PTN: variants seen among roughly 807,000 people sequenced by gnomAD.
The protein encoded by PTN is pleiotrophin.
PTN carries 18 observed loss-of-function variants against 24.1 expected under a neutral mutation model. The observed-to-expected ratio is 0.75, with a 90% CI of 0.52 to 1.11. The LOEUF (loss-of-function observed/expected upper bound fraction) is 1.11, where lower values mean the gene tolerates loss of function less well. PTN is among the 50% of genes least tolerant of loss of function. The pLI is 0.00. For synonymous variants in PTN, 78 were observed against 68.6 expected (o/e 1.14, Z -0.67); for missense variants, 163 against 198.8 (o/e 0.82, Z 1.08).
At chr7:137,235,402 T>C (rs1262321949) in intron 4 of PTN, among the ~76,000 whole-genome samples, 1 of 152,166 alleles carries the variant, frequency 6.6e-6, no homozygotes, top group Non-Finnish European at 1.5e-5. Context: ...TTGGCTAGGC[T>C]GCCTAACGTG....
intron 1 of PTN, among the ~76,000 whole-genome samples, chr7:137,315,123 C>T (rs548497825): frequency 3.9e-5 from 6 of 152,240 alleles, no homozygotes; most frequent in South Asian, 2.1e-4. Context: ...TCGGGCTTGA[C>T]GGTGATGGGC....
At chr7:137,318,713 A>T (rs1366221557) in intron 1 of PTN, 1 of 151,936 alleles carries the variant, frequency 6.6e-6, no homozygotes, top group Non-Finnish European at 1.5e-5. Flanking sequence ...TGTAAACACA[A>T]CATTGATTTT....
chr7:137,292,573 A>T (rs1353247269), intron 1 of PTN, among the ~76,000 whole-genome samples: 1 of 152,186 alleles, frequency 6.6e-6, no homozygotes, highest in African/African-American at 2.4e-5. Context: ...CTGTGAGTCC[A>T]TTAAACCTCT....
chr7:137,242,156 T>C (rs1314057495), intron 4 of PTN, among the ~76,000 whole-genome samples: 1 of 152,162 alleles, frequency 6.6e-6, no homozygotes, highest in Non-Finnish European at 1.5e-5. Flanking sequence ...ACCCCTTTTT[T>C]CCCATTTAAT....
intron 1 of PTN, among the ~76,000 whole-genome samples, chr7:137,294,566 A>G (rs1809689616): frequency 6.6e-6 from 1 of 152,026 alleles, no homozygotes; most frequent in Non-Finnish European, 1.5e-5. Flanking sequence ...AGGCCATCCC[A>G]TGCCCCACCA....
At chr7:137,331,548 A>C (rs1187183102) in intron 1 of PTN, among the ~76,000 whole-genome samples, 1 of 152,130 alleles carries the variant, frequency 6.6e-6, no homozygotes, top group Non-Finnish European at 1.5e-5. Context: ...CCAGTTGTTC[A>C]CTCGTCATTC....
chr7:137,280,591 T>C (rs539448026), intron 1 of PTN, among the ~76,000 whole-genome samples: 13 of 150,326 alleles, frequency 8.6e-5, no homozygotes, highest in Admixed American at 6.7e-5. Context: ...TGGTGGCTCA[T>C]GCCTGTAATC....
In PTN at chr7:137,248,028, G is replaced by A. The variant is rs534008400; in HGVS notation, c.451+3202C>T. On this transcript the variant is annotated intron_variant, in intron 4 of 4. Coordinates refer to ENST00000348225, the MANE Select transcript of PTN (RefSeq NM_002825.7). ...GTTTCCTTTATAATAATACCCACCC[G>A]CAAGGATATATGGGACTTTATAAGT... Among the ~76,000 whole-genome samples the A allele has an allele frequency of 9.4e-4, 143 of 152,102 alleles. 1 individual carries two copies. The highest frequency in any genetic ancestry group is 3.2e-3 in the African/African-American group (132 of 41,468).
chr7:137,253,606 T>C lies in PTN; in HGVS notation c.147A>G (p.Glu49=). ...EKKVKKSDCG[E]WQWSVCVPTS... ...TGGGCACACACACACTCCACTGCCA[T>C]TCTCCACAGTCAGACTTCTTCACTT... The change falls in exon 3 of 5, where the codon GAA becomes GAG. Residue 49 remains glutamate, a synonymous_variant. Coordinates refer to ENST00000348225, the MANE Select transcript of PTN (RefSeq NM_002825.7). 1 of 1,567,068 alleles carries C rather than the reference T, an allele frequency of 6.4e-7. No individual in the cohort carries two copies. The highest frequency in any genetic ancestry group is 2.3e-5 in the East Asian group (1 of 43,342).
intron 1 of PTN, among the ~76,000 whole-genome samples, chr7:137,286,182 A>G (rs1401486852): frequency 6.6e-6 from 1 of 152,212 alleles, no homozygotes; most frequent in Admixed American, 6.5e-5. Flanking sequence ...CACAATACTG[A>G]TATTAATTAA....
chr7:137,276,735 A>T (rs1455837646), intron 1 of PTN, among the ~76,000 whole-genome samples: 1 of 152,190 alleles, frequency 6.6e-6, no homozygotes, highest in African/African-American at 2.4e-5. Context: ...AAGTCTTTAG[A>T]GTCCTCTCCT....
At chr7:137,264,834 T>C (rs1219620817) in intron 1 of PTN, among the ~76,000 whole-genome samples, 1 of 152,226 alleles carries the variant, frequency 6.6e-6, no homozygotes, top group African/African-American at 2.4e-5. Flanking sequence ...GCTTATCTGC[T>C]TCTTGTGCTA....
At chr7:137,300,193 A>G (rs1336264223) in intron 1 of PTN, among the ~76,000 whole-genome samples, 1 of 151,618 alleles carries the variant, frequency 6.6e-6, no homozygotes, top group Non-Finnish European at 1.5e-5. Context: ...TATATCTTTT[A>G]CCCCATTTGA....
chr7:137,339,468 C>G (rs992304381), intron 1 of PTN, among the ~76,000 whole-genome samples: 1 of 150,808 alleles, frequency 6.6e-6, no homozygotes, highest in Non-Finnish European at 1.5e-5. Flanking sequence ...ATGAGTAACT[C>G]CAGCTGCGCC....
chr7:137,280,787 G>T (rs111780070), intron 1 of PTN, among the ~76,000 whole-genome samples: 5 of 147,392 alleles, frequency 3.4e-5, no homozygotes, highest in African/African-American at 1.3e-4. Context: ...CCCAAGAATT[G>T]GTTAAACCTG....
chr7:137,328,746 C>T (rs145272933), intron 1 of PTN, among the ~76,000 whole-genome samples: 44 of 152,206 alleles, frequency 2.9e-4, no homozygotes, highest in Middle Eastern at 6.8e-3. Context: ...CCATGCCAGG[C>T]CAACTGGTGT....
intron 4 of PTN, among the ~76,000 whole-genome samples, chr7:137,233,818 C>T (rs1352768752): frequency 6.6e-6 from 1 of 151,546 alleles, no homozygotes; most frequent in African/African-American, 2.4e-5. Flanking sequence ...GGGGTTATTT[C>T]ATTCTTCTTA....
intron 1 of PTN, among the ~76,000 whole-genome samples, chr7:137,284,963 T>C (rs1307789525): frequency 6.6e-6 from 1 of 152,208 alleles, no homozygotes; most frequent in East Asian, 1.9e-4. Context: ...TTTGAATACA[T>C]TTAAGTCAAC....
At chr7:137,243,952 C>G (rs844287) in intron 4 of PTN, among the ~76,000 whole-genome samples, 21,506 of 152,180 alleles carry the variant, frequency 0.14, 1,722 homozygotes, top group African/African-American at 0.21. Context: ...CAAGCGAGAT[C>G]TTTGGCCCTC....
Sources: gnomAD v4.1 joint callset for allele counts (sites outside exome capture counted in the v4.1 genomes callset) on GRCh38, gnomAD v4.1.1 for gene constraint, MANE v1.5 for transcripts, NCBI Gene and HGNC (gene_info 2026-07-23, HGNC 2026-07-21) for gene names.